The following FGD6 variants were observed in gnomAD, a reference collection of about 807,000 sequenced individuals.
FGD6 encodes the protein FYVE, RhoGEF and PH domain containing 6.
In FGD6, 90 loss-of-function variants were observed where a neutral mutation model predicts 149.4. The observed-to-expected ratio is 0.60, with a 90% CI of 0.51 to 0.72. FGD6 has a LOEUF of 0.72. FGD6 is among the 30% of genes least tolerant of loss of function. The probability of loss-of-function intolerance (pLI) is 0.00; values close to 1 mark genes in which losing one functional copy is unlikely to be tolerated. For synonymous variants in FGD6, 527 were observed against 584.0 expected, an observed-to-expected ratio of 0.90 and a Z score of 1.41; for missense variants, 1,437 against 1,684.8, an observed-to-expected ratio of 0.85 and a Z score of 2.57.
chr12:95,128,674 G>A lies in FGD6; in HGVS notation c.3082+6065C>T, dbSNP rs534879006. On this transcript the variant is annotated intron_variant, in intron 8 of 20. Coordinates refer to ENST00000343958, the MANE Select transcript of FGD6 (RefSeq NM_018351.4). The stretch of plus-strand genomic sequence containing the variant: ...TAGGAATTGAGAAGGAGAAGGCTCA[G>A]TGGGGGCCTAAGTGATTGGGCATGA... Among the ~76,000 whole-genome samples, 6 of 152,368 alleles carry A rather than the reference G, an allele frequency of 3.9e-5. No individual in the cohort carries two copies. In the East Asian group the frequency reaches 1.2e-3, roughly 29 times the overall value.
In FGD6 at chr12:95,091,700, A is replaced by C; in HGVS notation, c.3850+7T>G. On this transcript the variant is annotated splice_region_variant and intron_variant, in intron 17 of 20. Coordinates refer to ENST00000343958, the MANE Select transcript of FGD6 (RefSeq NM_018351.4). ...AATTTTTGGTTAAATCCTTACTTATATATTACCTAATTTCTGCAGTTCTTG... is the reference window on the plus strand; with the variant it reads ...AATTTTTGGTTAAATCCTTACTTATCTATTACCTAATTTCTGCAGTTCTTG... The C allele has an allele frequency of 6.2e-7, 1 of 1,607,384 alleles. No homozygotes were observed.
At chr12:95,149,824 TATATA>T (rs1295799980) in intron 5 of FGD6, among the ~76,000 whole-genome samples, 1 of 146,428 alleles carries the variant, frequency 6.8e-6, no homozygotes, top group Non-Finnish European at 1.5e-5. Flanking sequence ...GTAATCATTA[TATATA>T]ATATATAGTA....
chr12:95,148,728 C>T (rs55705073), intron 5 of FGD6, among the ~76,000 whole-genome samples: 2,631 of 50,390 alleles, frequency 0.052, 402 homozygotes, highest in Middle Eastern at 0.071. Flanking sequence ...TGTTATATTA[C>T]ATATATTATA....
At chr12:95,199,494 G>A (rs1189083565) in intron 2 of FGD6, among the ~76,000 whole-genome samples, 3 of 151,946 alleles carry the variant, frequency 2.0e-5, no homozygotes, top group East Asian at 1.9e-4. Context: ...ACTTGTAAAC[G>A]ATTTCATTAT....
intron 1 of FGD6, among the ~76,000 whole-genome samples, chr12:95,215,879 A>C (rs935417446): frequency 6.6e-6 from 1 of 152,240 alleles, no homozygotes; most frequent in Admixed American, 6.5e-5. Context: ...AAAAGGAAAG[A>C]GCTAAAACTG....
chr12:95,138,555 G>GAAA (rs568018603), intron 6 of FGD6, among the ~76,000 whole-genome samples: 1 of 117,252 alleles, frequency 8.5e-6, no homozygotes, highest in Non-Finnish European at 1.8e-5. Context: ...AAAAGAAAAA[G>GAAA]AAAAAAAAAA....
intron 8 of FGD6, among the ~76,000 whole-genome samples, chr12:95,120,547 A>G (rs570699487): frequency 3.3e-5 from 5 of 151,732 alleles, no homozygotes; most frequent in Admixed American, 3.3e-4. Context: ...TTAGTAGGGC[A>G]TGGTGGTGTG....
intron 2 of FGD6, among the ~76,000 whole-genome samples, chr12:95,173,749 A>G (rs1232777513): frequency 6.6e-6 from 1 of 152,098 alleles, no homozygotes; most frequent in Non-Finnish European, 1.5e-5. Flanking sequence ...TAAAAGATCC[A>G]CAATCATCAG....
At chr12:95,185,449 A>G (rs1881401477) in intron 2 of FGD6, among the ~76,000 whole-genome samples, 2 of 152,080 alleles carry the variant, frequency 1.3e-5, no homozygotes, top group South Asian at 4.1e-4. Context: ...GCAGCAGAGA[A>G]GAAAAAAAAA....
chr12:95,124,203 T>C (rs1234926900), intron 8 of FGD6, among the ~76,000 whole-genome samples: 1 of 152,112 alleles, frequency 6.6e-6, no homozygotes, highest in African/African-American at 2.4e-5. Context: ...TGAGCCACCG[T>C]ACCTGGCCTG....
intron 2 of FGD6, among the ~76,000 whole-genome samples, chr12:95,174,691 A>T (rs1368872711): frequency 1.3e-5 from 2 of 151,986 alleles, no homozygotes; most frequent in African/African-American, 2.4e-5. Context: ...CACTTTGGGA[A>T]GCTGAGGCGG....
Position 95,209,197 on chromosome 12 carries a change from T to C in FGD6, c.2087A>G (p.Tyr696Cys), listed in dbSNP as rs1249352042. 39 of 1,614,008 alleles carry C rather than the reference T, an allele frequency of 2.4e-5. No homozygotes were observed. The highest frequency in any genetic ancestry group is 3.3e-5 in the Non-Finnish European group (39 of 1,180,030). The change falls in exon 2 of 21, where the codon TAT becomes TGT. Residue 696 changes from tyrosine (Y) to cysteine (C), a missense_variant. By Grantham distance (194) the Tyr-to-Cys change is radical. Coordinates refer to ENST00000343958, the MANE Select transcript of FGD6 (RefSeq NM_018351.4). ...KPIKAYSTENYSLESQKKRKK... is the reference protein window; with the variant it reads ...KPIKAYSTENCSLESQKKRKK... ...CCTCTTCTTTTGAGATTCCAGGCTATAGTTTTCTGTGGAATATGCCTTGAT... is the reference window on the plus strand; with the variant it reads ...CCTCTTCTTTTGAGATTCCAGGCTACAGTTTTCTGTGGAATATGCCTTGAT...
At position 95,206,961 on chromosome 12, in the gene FGD6, C is replaced by T. The variant is rs145613900; in HGVS notation, c.2441+1882G>A. 3.3e-3 allele frequency among the ~76,000 whole-genome samples: 490 copies of T among 150,638 alleles called. 2 individuals are homozygous for T. Among genetic ancestry groups the T allele is most frequent in the African/African-American group, 0.01 (418 of 41,024 alleles). On this transcript the variant is annotated intron_variant, in intron 2 of 20. Coordinates refer to ENST00000343958, the MANE Select transcript of FGD6 (RefSeq NM_018351.4). ...ACTTTACTTGGTACGCTGACTTGCTCGACAATTTTATTTATTCAATTCACC... is the reference window on the plus strand; with the variant it reads ...ACTTTACTTGGTACGCTGACTTGCTTGACAATTTTATTTATTCAATTCACC...
At chr12:95,085,213 CTT>C (rs34135341) in intron 19 of FGD6, among the ~76,000 whole-genome samples, 36 of 118,078 alleles carry the variant, frequency 3.0e-4, no homozygotes, top group Non-Finnish European at 4.0e-4. Flanking sequence ...ACAGCTCTGC[CTT>C]TTTTTTTTTT....
At chr12:95,180,891 T>C (rs1039995239) in intron 2 of FGD6, among the ~76,000 whole-genome samples, 2 of 152,112 alleles carry the variant, frequency 1.3e-5, no homozygotes, top group Non-Finnish European at 2.9e-5. Flanking sequence ...GTTTATTTTC[T>C]TCCCAGGATG....
intron 3 of FGD6, among the ~76,000 whole-genome samples, chr12:95,157,396 G>A (rs987384552): frequency 7.2e-5 from 11 of 151,878 alleles, no homozygotes; most frequent in African/African-American, 1.7e-4. Flanking sequence ...GTGAAACCCC[G>A]TCTCTACTAA....
At chr12:95,180,528 G>A (rs1262056719) in intron 2 of FGD6, among the ~76,000 whole-genome samples, 1 of 151,872 alleles carries the variant, frequency 6.6e-6, no homozygotes, top group Non-Finnish European at 1.5e-5. Context: ...AGGCACTTGG[G>A]ACAACAGGTG....
intron 2 of FGD6, among the ~76,000 whole-genome samples, chr12:95,186,521 GAAA>G (rs57464025): frequency 7.3e-6 from 1 of 136,410 alleles, no homozygotes; most frequent in African/African-American, 2.7e-5. Flanking sequence ...CTTAAATCAT[GAAA>G]AAAAAAAAAA....
chr12:95,091,101 T>C (rs1238449927), intron 17 of FGD6, among the ~76,000 whole-genome samples: 1 of 152,104 alleles, frequency 6.6e-6, no homozygotes, highest in Non-Finnish European at 1.5e-5. Flanking sequence ...TCAAAAAATA[T>C]ATATAAATAA....
Sources: allele counts gnomAD v4.1 joint callset (sites outside exome capture counted in the v4.1 genomes callset), GRCh38; gene constraint gnomAD v4.1.1; transcripts MANE v1.5; gene names NCBI Gene and HGNC (gene_info 2026-07-23, HGNC 2026-07-21).